Variants in TTC28 observed in about 807,000 individuals in gnomAD.
The protein encoded by TTC28 is tetratricopeptide repeat protein 28.
TTC28 carries 61 observed loss-of-function variants against 198.0 expected under a neutral mutation model. The ratio of observed to expected loss-of-function variants is 0.31; its 90% CI spans 0.25 to 0.38. The LOEUF (loss-of-function observed/expected upper bound fraction) is 0.38. Ranked by LOEUF, TTC28 falls within the 10% of genes least tolerant of loss-of-function variation. The pLI is 1.00. For synonymous variants in TTC28, 1,171 were observed against 1,297.8 expected (o/e 0.90, Z 2.10); for missense variants, 2,678 against 3,164.0 (o/e 0.85, Z 3.69).
chr22:28,533,916 G>C (rs1273400550), intron 2 of TTC28, among the ~76,000 whole-genome samples: 1 of 152,088 alleles, frequency 6.6e-6, no homozygotes, highest in Non-Finnish European at 1.5e-5. Flanking sequence ...AATTCAAGAT[G>C]GATTAAAGAC....
At position 28,679,756 on chromosome 22, in the gene TTC28, C is replaced by A; in HGVS notation, c.-33G>T. 9.7e-6 allele frequency: 11 copies of A among 1,136,334 alleles called. No homozygotes were observed. The highest frequency in any genetic ancestry group is 1.2e-5 in the Non-Finnish European group (11 of 910,530). The allele number at this position is 1,136,334 out of a possible 1,614,324, so 70.4% of individuals were successfully genotyped here. On this transcript the variant is annotated 5_prime_UTR_variant, in exon 1 of 23. Coordinates refer to ENST00000397906, the MANE Select transcript of TTC28 (RefSeq NM_001145418.2). ...GGGCCCGGGCCGCGTCCGCCTCGAG[C>A]TAACGGTCCCGCCAGCTAGGCGCGC... is the stretch of plus-strand genomic sequence containing the variant.
At chr22:28,565,996 G>A (rs1394263157) in intron 2 of TTC28, among the ~76,000 whole-genome samples, 1 of 152,140 alleles carries the variant, frequency 6.6e-6, no homozygotes, top group Non-Finnish European at 1.5e-5. Flanking sequence ...CTCCACATGT[G>A]AAACACTGCA....
chr22:28,073,354 T>C (rs1941058606), intron 12 of TTC28, among the ~76,000 whole-genome samples: 1 of 152,190 alleles, frequency 6.6e-6, no homozygotes, highest in South Asian at 2.1e-4. Context: ...TATATCTGTG[T>C]CCTTGGGATA....
chr22:28,318,421 G>C (rs1231070603), intron 2 of TTC28, among the ~76,000 whole-genome samples: 2 of 152,078 alleles, frequency 1.3e-5, no homozygotes, highest in East Asian at 3.9e-4. Context: ...AATCCAAGCT[G>C]GTAACACCAG....
chr22:27,988,611 C>T (rs1259795878), intron 21 of TTC28, among the ~76,000 whole-genome samples: 1 of 152,088 alleles, frequency 6.6e-6, no homozygotes, highest in Non-Finnish European at 1.5e-5. Flanking sequence ...TTTAAGGATT[C>T]TCTGTCGGGC....
chr22:28,161,848 TAAGA>T (rs1332582920), intron 6 of TTC28, among the ~76,000 whole-genome samples: 10 of 101,564 alleles, frequency 9.8e-5, no homozygotes, highest in Non-Finnish European at 1.8e-4. Flanking sequence ...GGAAGAAAGT[TAAGA>T]AAGGAAGAAA....
intron 13 of TTC28, among the ~76,000 whole-genome samples, chr22:28,024,632 T>A (rs1158922010): frequency 2.0e-5 from 3 of 152,146 alleles, no homozygotes; most frequent in African/African-American, 4.8e-5. Context: ...CAAAGTCACA[T>A]CCAGTGAGGG....
intron 6 of TTC28, among the ~76,000 whole-genome samples, chr22:28,108,664 A>G (rs905265308): frequency 6.6e-6 from 1 of 152,246 alleles, no homozygotes; most frequent in Admixed American, 6.5e-5. Context: ...CTAAAATTAA[A>G]AGGCAAAACA....
chr22:28,629,952 G>T, intron 1 of TTC28, 122 bp from the exon 2 acceptor site: 2 of 875,530 alleles, frequency 2.3e-6, no homozygotes, highest in Non-Finnish European at 3.4e-6. Context: ...AGTATTGGAG[G>T]TGGGGCCTAA....
intron 2 of TTC28, among the ~76,000 whole-genome samples, chr22:28,565,547 A>G (rs886289795): frequency 6.6e-6 from 1 of 152,240 alleles, no homozygotes; most frequent in Non-Finnish European, 1.5e-5. Context: ...TGGAAATGTC[A>G]TAAGACTATA....
intron 5 of TTC28, among the ~76,000 whole-genome samples, chr22:28,276,843 T>G (rs2044482434): frequency 6.6e-6 from 1 of 152,182 alleles, no homozygotes; most frequent in African/African-American, 2.4e-5. Flanking sequence ...ATCAACATAG[T>G]TAACTCCTTA....
At chr22:28,635,882 G>A (rs978839836) in intron 1 of TTC28, among the ~76,000 whole-genome samples, 37 of 151,960 alleles carry the variant, frequency 2.4e-4, no homozygotes, top group African/African-American at 8.9e-4. Flanking sequence ...CAGTCACCAT[G>A]CTGTATACTA....
chr22:28,095,035 CA>C (rs1365547023), intron 11 of TTC28, among the ~76,000 whole-genome samples: 1 of 152,136 alleles, frequency 6.6e-6, no homozygotes, highest in Non-Finnish European at 1.5e-5. Context: ...TACCACCTGT[CA>C]AATCATGTCC....
At chr22:28,512,979 A>AT (rs695729) in intron 2 of TTC28, among the ~76,000 whole-genome samples, 62,480 of 125,578 alleles carry the variant, frequency 0.5, 16,814 homozygotes, top group Middle Eastern at 0.68. Context: ...TTTAACCTGG[A>AT]TTTTTTTTTT....
chr22:28,059,169 T>C (rs977954783), intron 12 of TTC28, among the ~76,000 whole-genome samples: 2 of 152,100 alleles, frequency 1.3e-5, no homozygotes, highest in African/African-American at 4.8e-5. Flanking sequence ...CTTCGTTTTC[T>C]AGCTTCTTTA....
At chr22:28,237,559 A>C (rs192402043) in intron 5 of TTC28, among the ~76,000 whole-genome samples, 4 of 152,304 alleles carry the variant, frequency 2.6e-5, no homozygotes, top group Non-Finnish European at 5.9e-5. Context: ...CTATTATTGT[A>C]ATGTATTGTT....
chr22:28,249,709 T>C (rs1427156599), intron 5 of TTC28, among the ~76,000 whole-genome samples: 1 of 152,234 alleles, frequency 6.6e-6, no homozygotes, highest in Non-Finnish European at 1.5e-5. Context: ...CCCTCCACGT[T>C]GCCTTGAGCT....
At chr22:28,089,597 T>C (rs533687585) in intron 12 of TTC28, among the ~76,000 whole-genome samples, 1 of 151,016 alleles carries the variant, frequency 6.6e-6, no homozygotes, top group South Asian at 2.1e-4. Context: ...CACACCAGCA[T>C]GGCACGTGTA....
At chr22:28,392,336 C>G (rs2046739948) in intron 2 of TTC28, among the ~76,000 whole-genome samples, 1 of 152,348 alleles carries the variant, frequency 6.6e-6, no homozygotes, top group South Asian at 2.1e-4. Flanking sequence ...CCTACAGAGG[C>G]AGGCAGGCCT....
Sources: gnomAD v4.1 joint callset for allele counts (sites outside exome capture counted in the v4.1 genomes callset) on GRCh38, gnomAD v4.1.1 for gene constraint, MANE v1.5 for transcripts, NCBI Gene and HGNC (gene_info 2026-07-23, HGNC 2026-07-21) for gene names.